The following PLCB1 variants were observed in gnomAD, a reference collection of about 807,000 sequenced individuals.
The protein encoded by PLCB1 is phospholipase C beta 1.
Under a neutral mutation model 161.8 loss-of-function variants are expected in PLCB1, and 46 were observed. That is an observed-to-expected ratio of 0.28 (90% CI 0.22 to 0.36). The LOEUF (loss-of-function observed/expected upper bound fraction) is 0.36. Ranked by LOEUF, PLCB1 falls within the 10% of genes least tolerant of loss-of-function variation. The probability of loss-of-function intolerance (pLI) is 1.00; values close to 1 mark genes in which losing one functional copy is unlikely to be tolerated. For synonymous variants in PLCB1, 517 were observed against 503.7 expected (o/e 1.03, Z -0.35); for missense variants, 1,016 against 1,472.5 (o/e 0.69, Z 5.07).
chr20:8,654,691 T>C (rs545603420), intron 7 of PLCB1, among the ~76,000 whole-genome samples: 12 of 152,174 alleles, frequency 7.9e-5, no homozygotes, highest in East Asian at 1.9e-4. Context: ...TATTTGAACA[T>C]TGGGCAGGAT....
At chr20:8,150,201 G>C in intron 1 of PLCB1, 93 bp from the exon 2 acceptor site, 1 of 511,552 alleles carries the variant, frequency 2.0e-6, no homozygotes. Context: ...CTACTTTGGA[G>C]AATCTGTACA....
intron 3 of PLCB1, among the ~76,000 whole-genome samples, chr20:8,495,582 A>G (rs1983133640): frequency 6.6e-6 from 1 of 151,336 alleles, no homozygotes; most frequent in Non-Finnish European, 1.5e-5. Flanking sequence ...TATTTTTAGT[A>G]GAGACGGGGT....
At chr20:8,779,604 G>A (rs1417617255) in intron 27 of PLCB1, among the ~76,000 whole-genome samples, 1 of 151,152 alleles carries the variant, frequency 6.6e-6, no homozygotes, top group Non-Finnish European at 1.5e-5. Flanking sequence ...GTGAAGTGTG[G>A]GCCGTGAATC....
At chr20:8,212,683 T>C (rs997298541) in intron 2 of PLCB1, among the ~76,000 whole-genome samples, 3 of 152,126 alleles carry the variant, frequency 2.0e-5, no homozygotes, top group Admixed American at 6.6e-5. Flanking sequence ...GCCAAAAGCA[T>C]TGTTCACTGC....
At chr20:8,744,012 A>T (rs1981017186) in intron 23 of PLCB1, among the ~76,000 whole-genome samples, 1 of 152,192 alleles carries the variant, frequency 6.6e-6, no homozygotes, top group African/African-American at 2.4e-5. Context: ...CATAGATACA[A>T]ATAAATCACT....
Position 8,717,785 on chromosome 20 carries a change from G to C in PLCB1, c.1450G>C (p.Glu484Gln), listed in dbSNP as rs1979405024. Residue 484 changes from glutamate (E) to glutamine (Q), a missense_variant, in exon 14 of 32, where the codon GAA becomes CAA. Glu to Gln is a conservative substitution (Grantham distance 29, BLOSUM62 2). Around this residue, in one of 10 missense-constraint regions of PLCB1, gnomAD observed 109 missense variants for 129.7 expected, o/e 0.84. Transcript: ENST00000338037. ...AGGAAGCGGCAAAAAGAAGCTCTCA[G>C]AACAAGCCTCCAACACCTACAGTGA... ...SEGSGKKKLSEQASNTYSDSS... is the reference protein window; with the variant it reads ...SEGSGKKKLSQQASNTYSDSS... 6.2e-7 allele frequency: 1 copy of C among 1,613,942 alleles called. No homozygotes were observed. Among genetic ancestry groups the C allele is most frequent in the Admixed American group, 1.7e-5 (1 of 59,988 alleles).
intron 31 of PLCB1, among the ~76,000 whole-genome samples, chr20:8,870,992 A>G (rs1205847269): frequency 6.6e-6 from 1 of 152,216 alleles, no homozygotes; most frequent in African/African-American, 2.4e-5. Flanking sequence ...TTAGAAATGC[A>G]GGGTAGCATG....
chr20:8,575,360 C>T lies in PLCB1; in HGVS notation c.247-52934C>T, dbSNP rs534633055. Among the ~76,000 whole-genome samples the T allele has an allele frequency of 2.6e-5, 4 of 152,324 alleles. No homozygotes were observed. In the East Asian group the frequency reaches 7.7e-4, roughly 29 times the overall value. On this transcript the variant is annotated intron_variant, in intron 3 of 31. Transcript: ENST00000338037. ...AGACTAGACAGCATCAACATTCCAA[C>T]AGGAGTTTTCCCTTCACCGTGGAAG...
At chr20:8,267,895 C>CT (rs1254705916) in intron 2 of PLCB1, among the ~76,000 whole-genome samples, 2 of 151,980 alleles carry the variant, frequency 1.3e-5, no homozygotes, top group African/African-American at 4.8e-5. Context: ...CATATGAAGA[C>CT]TTGGCCCACA....
chr20:8,663,519 C>T (rs79243507), intron 9 of PLCB1, among the ~76,000 whole-genome samples: 8,036 of 152,150 alleles, frequency 0.053, 282 homozygotes, highest in East Asian at 0.13. Flanking sequence ...CTTTGATCTT[C>T]TGAGGACCTG....
chr20:8,550,097 G>C (rs566260060), intron 3 of PLCB1, among the ~76,000 whole-genome samples: 1 of 152,304 alleles, frequency 6.6e-6, no homozygotes, highest in East Asian at 1.9e-4. Flanking sequence ...TAGGAAGTAA[G>C]TAACTTGCTT....
At position 8,149,186 on chromosome 20, in the gene PLCB1, C is replaced by T. The variant is rs185128641; in HGVS notation, c.100-1108C>T. ...AATAATAATGAACATTTTTATGTGG[C>T]AAACATGCCCAGATGCTTTACCCCA... is the stretch of plus-strand genomic sequence containing the variant. On this transcript the variant is annotated intron_variant, in intron 1 of 31. Transcript: ENST00000338037. Among the ~76,000 whole-genome samples the T allele has an allele frequency of 2.0e-5, 3 of 152,194 alleles. No individual in the cohort carries two copies. The East Asian group carries it at 5.8e-4, about 29-fold the overall frequency.
Position 8,542,147 on chromosome 20 carries a change from C to T in PLCB1, c.247-86147C>T, listed in dbSNP as rs3817880. Among the ~76,000 whole-genome samples the T allele has an allele frequency of 2.0e-4, 31 of 152,244 alleles. 3 individuals are homozygous for T. In the East Asian group the frequency reaches 6.0e-3, roughly 29 times the overall value. On this transcript the variant is annotated intron_variant, in intron 3 of 31. Transcript: ENST00000338037. Reference sequence around the variant, plus strand: ...TTTGTCTAAATGGCCAGGTAAACATCCCAGAAGTGAGTGGTCCCTGAAGTG... The same window carrying T: ...TTTGTCTAAATGGCCAGGTAAACATTCCAGAAGTGAGTGGTCCCTGAAGTG...
chr20:8,237,908 G>T (rs565666866), intron 2 of PLCB1, among the ~76,000 whole-genome samples: 2 of 152,184 alleles, frequency 1.3e-5, no homozygotes, highest in African/African-American at 4.8e-5. Flanking sequence ...CTTATAAAAA[G>T]ATTGTGTAAT....
intron 3 of PLCB1, among the ~76,000 whole-genome samples, chr20:8,469,340 A>G (rs1381168956): frequency 1.3e-5 from 2 of 152,222 alleles, no homozygotes; most frequent in African/African-American, 2.4e-5. Context: ...ATGGTGTTCA[A>G]TGACTTATAT....
chr20:8,186,047 C>A (rs2123099889), intron 2 of PLCB1, among the ~76,000 whole-genome samples: 1 of 152,226 alleles, frequency 6.6e-6, no homozygotes, highest in Non-Finnish European at 1.5e-5. Flanking sequence ...GTGGCACTTT[C>A]AAAAAGTAGA....
intron 2 of PLCB1, among the ~76,000 whole-genome samples, chr20:8,221,703 G>A (rs1333879221): frequency 6.6e-6 from 1 of 152,024 alleles, no homozygotes; most frequent in Non-Finnish European, 1.5e-5. Context: ...ATCTCAAATA[G>A]CAACCTAAGT....
chr20:8,367,031 G>A (rs1358019481), intron 2 of PLCB1, among the ~76,000 whole-genome samples: 1 of 152,162 alleles, frequency 6.6e-6, no homozygotes, highest in Non-Finnish European at 1.5e-5. Flanking sequence ...GAACACCTAG[G>A]ACATTTGCTT....
chr20:8,236,390 A>G (rs1329415272), intron 2 of PLCB1, among the ~76,000 whole-genome samples: 1 of 151,940 alleles, frequency 6.6e-6, no homozygotes, highest in African/African-American at 2.4e-5. Context: ...AAAATTAGCT[A>G]TGGGTAGTGG....
Sources: allele counts gnomAD v4.1 joint callset (sites outside exome capture counted in the v4.1 genomes callset), GRCh38; gene constraint gnomAD v4.1.1; regional missense constraint gnomAD v4.1.1; transcripts MANE v1.5; gene names NCBI Gene and HGNC (gene_info 2026-07-23, HGNC 2026-07-21).